TMEM164: variants seen among roughly 807,000 people sequenced by gnomAD.
TMEM164 encodes the protein transmembrane protein 164, also known as RP13-360B22.2.
A neutral mutation model predicts 18.8 loss-of-function variants in TMEM164; 4 were observed. That is an observed-to-expected ratio of 0.21 (90% CI 0.10 to 0.49). TMEM164 has a LOEUF of 0.49. TMEM164 is among the 20% of genes least tolerant of loss of function. The probability of loss-of-function intolerance (pLI) is 0.98; values close to 1 mark genes in which losing one functional copy is unlikely to be tolerated. For synonymous variants in TMEM164, 86 were observed against 101.7 expected, an observed-to-expected ratio of 0.85 and a Z score of 0.93; for missense variants, 108 against 239.9, an observed-to-expected ratio of 0.45 and a Z score of 3.63.
At chrX:110,028,740 G>A (rs1401390286) in intron 2 of TMEM164, among the ~76,000 whole-genome samples, 1 of 111,323 alleles carries the variant, frequency 9.0e-6, no homozygotes, top group Non-Finnish European at 1.9e-5. Context: ...GTTGAGATTT[G>A]TTTTGTGGCC....
rs190864579 is a variant in TMEM164, at chrX:110,015,461, T to A, written c.390+11297T>A. ...CACACATTCTAAGACCTAGGGAAGA[T>A]TGTAACAAAGGGTCCTCTTCATATC... On this transcript the variant is annotated intron_variant, in intron 2 of 6. Coordinates refer to ENST00000372068, the MANE Select transcript of TMEM164 (RefSeq NM_032227.4). 4.5e-5 allele frequency among the ~76,000 whole-genome samples: 5 copies of A among 111,918 alleles called. No individual in the cohort carries two copies. In the East Asian group the frequency reaches 1.4e-3, roughly 31 times the overall value.
At chrX:110,013,810 A>G (rs73540225) in intron 2 of TMEM164, among the ~76,000 whole-genome samples, 1,704 of 112,245 alleles carry the variant, frequency 0.015, 31 homozygotes, top group African/African-American at 0.053. Flanking sequence ...TCAAGTATTT[A>G]GCAGAATTTC....
chrX:110,072,484 A>G (rs2147865934), intron 3 of TMEM164, among the ~76,000 whole-genome samples: 1 of 110,144 alleles, frequency 9.1e-6, no homozygotes, highest in Admixed American at 9.7e-5. Context: ...GAAATTATCC[A>G]TTTCTTCTAA....
chrX:110,172,538 C>T lies in TMEM164; in HGVS notation c.688-707C>T, dbSNP rs920875385. ...TTGCCAACAGTGTGAATGCTTCCTGCGCTCTCAGGAGGAAGCCGTACAAAG... is the reference window on the plus strand; with the variant it reads ...TTGCCAACAGTGTGAATGCTTCCTGTGCTCTCAGGAGGAAGCCGTACAAAG... On this transcript the variant is annotated intron_variant, in intron 6 of 6. Coordinates refer to ENST00000372068, the MANE Select transcript of TMEM164 (RefSeq NM_032227.4). Among the ~76,000 whole-genome samples, 33 of 111,337 alleles carry T rather than the reference C, an allele frequency of 3.0e-4. 1 individual carries two copies. Among genetic ancestry groups the T allele is most frequent in the Admixed American group, 2.5e-3 (26 of 10,594 alleles).
chrX:110,165,461 C>G (rs896224671), intron 5 of TMEM164, among the ~76,000 whole-genome samples: 2 of 112,682 alleles, frequency 1.8e-5, no homozygotes, highest in Non-Finnish European at 3.7e-5. Flanking sequence ...CAGCACACCT[C>G]TCTCCTAGCT....
intron 3 of TMEM164, chrX:110,082,269 T>G (rs1214388804): frequency 8.8e-6 from 1 of 113,934 alleles, no homozygotes; most frequent in Non-Finnish European, 1.9e-5. Flanking sequence ...CTTCTGCCTC[T>G]GAAGGCCTCT....
intron 5 of TMEM164, among the ~76,000 whole-genome samples, chrX:110,164,281 A>C (rs1216985084): frequency 9.0e-6 from 1 of 111,676 alleles, no homozygotes; most frequent in African/African-American, 3.3e-5. Context: ...AATGGAGTCA[A>C]AGGCGTATGC....
intron 5 of TMEM164, among the ~76,000 whole-genome samples, chrX:110,150,896 C>T (rs1602714454): frequency 9.0e-6 from 1 of 111,316 alleles, no homozygotes; most frequent in African/African-American, 3.3e-5. Flanking sequence ...TGACATAAGA[C>T]AACTATATGC....
chrX:110,073,010 TA>T (rs2065618625), intron 3 of TMEM164, among the ~76,000 whole-genome samples: 1 of 110,545 alleles, frequency 9.0e-6, no homozygotes, highest in Non-Finnish European at 1.9e-5. Flanking sequence ...CCCTCTCTTG[TA>T]GTCCCCATTG....
chrX:110,004,313 T>A (rs1267702641), intron 2 of TMEM164, 149 bp downstream of exon 2: 1 of 745,490 alleles, frequency 1.3e-6, no homozygotes, highest in African/African-American at 2.1e-5. Context: ...TGTGCCGATT[T>A]CAGGTTTGGC....
chrX:110,016,491 T>C (rs1465335316), intron 2 of TMEM164, among the ~76,000 whole-genome samples: 2 of 111,835 alleles, frequency 1.8e-5, no homozygotes, highest in Non-Finnish European at 3.8e-5. Flanking sequence ...AAACTCACTA[T>C]AATTTCTGGT....
At chrX:110,063,421 C>A (rs2147841375) in intron 2 of TMEM164, among the ~76,000 whole-genome samples, 1 of 111,582 alleles carries the variant, frequency 9.0e-6, no homozygotes, top group Non-Finnish European at 1.9e-5. Flanking sequence ...TGGCAGTGAA[C>A]TTGGGGCTGA....
chrX:110,023,072 C>A lies in TMEM164; in HGVS notation c.390+18908C>A, dbSNP rs190256206. On this transcript the variant is annotated intron_variant, in intron 2 of 6. Transcript: ENST00000372068. Reference sequence around the variant, plus strand: ...CTAATGGCCTGTGTTAAAACTTTAACGATATGCTTTATGCCTCCAGGCCTC... The same window carrying A: ...CTAATGGCCTGTGTTAAAACTTTAAAGATATGCTTTATGCCTCCAGGCCTC... Among the ~76,000 whole-genome samples, 404 of 111,805 alleles carry A rather than the reference C, an allele frequency of 3.6e-3. 5 individuals are homozygous for A. The highest frequency in any genetic ancestry group is 0.013 in the African/African-American group (386 of 30,750).
chrX:110,023,731 A>G (rs1474470730), intron 2 of TMEM164, among the ~76,000 whole-genome samples: 5 of 112,149 alleles, frequency 4.5e-5, no homozygotes, highest in Non-Finnish European at 7.5e-5. Context: ...TCACACAGCT[A>G]GAAAGTGACC....
rs190336705 is a variant in TMEM164 at position 110,093,655 on chromosome X, T to C, written c.441-15425T>C. Among the ~76,000 whole-genome samples the C allele has an allele frequency of 3.0e-3, 339 of 111,874 alleles. 2 individuals are homozygous for C. Among genetic ancestry groups the C allele is most frequent in the Non-Finnish European group, 4.7e-3 (250 of 53,153 alleles). ...AAAACCAGCTCCTGGATTCATTGATTTTTTTGAAGGGTGTTTTGTGTCTGT... is the reference window on the plus strand; with the variant it reads ...AAAACCAGCTCCTGGATTCATTGATCTTTTTGAAGGGTGTTTTGTGTCTGT... On this transcript the variant is annotated intron_variant, in intron 3 of 6. Transcript: ENST00000372068.
At chrX:110,107,425 C>T (rs2066220576) in intron 3 of TMEM164, among the ~76,000 whole-genome samples, 1 of 112,223 alleles carries the variant, frequency 8.9e-6, no homozygotes, top group Admixed American at 9.4e-5. Context: ...TAATCAGATA[C>T]TTGCCTGGAA....
intron 5 of TMEM164, among the ~76,000 whole-genome samples, chrX:110,152,117 G>A (rs1343351074): frequency 4.0e-5 from 4 of 100,833 alleles, no homozygotes; most frequent in South Asian, 4.7e-4. Context: ...GTGCAGTGGC[G>A]TGATCTCAGC....
chrX:110,003,055 C>CG (rs1198238381), upstream of TMEM164: 1 of 94,985 alleles, frequency 1.1e-5, no homozygotes, highest in African/African-American at 3.9e-5. Context: ...GGGGTGTACC[C>CG]GGGGGCGGGA....
intron 4 of TMEM164, among the ~76,000 whole-genome samples, chrX:110,112,849 T>C (rs1449961786): frequency 9.0e-6 from 1 of 111,558 alleles, no homozygotes; most frequent in Non-Finnish European, 1.9e-5. Context: ...TGTAATGGCC[T>C]CCTTTGAACC....
Sources: allele counts gnomAD v4.1 joint callset (sites outside exome capture counted in the v4.1 genomes callset), GRCh38; gene constraint gnomAD v4.1.1; transcripts MANE v1.5; gene names NCBI Gene and HGNC (gene_info 2026-07-23, HGNC 2026-07-21).